The following PLCB4 variants were observed in gnomAD, a reference collection of about 807,000 sequenced individuals.
The protein encoded by PLCB4 is 1-phosphatidylinositol 4,5-bisphosphate phosphodiesterase beta-4.
A neutral mutation model predicts 178.8 loss-of-function variants in PLCB4; 77 were observed. That is an observed-to-expected ratio of 0.43 (90% CI 0.36 to 0.52). The LOEUF (loss-of-function observed/expected upper bound fraction) is 0.52, where lower values mean the gene tolerates loss of function less well. Ranked by LOEUF, PLCB4 falls within the 20% of genes least tolerant of loss-of-function variation. PLCB4 has a pLI of 0.00. For missense variants in PLCB4, 1,024 were observed against 1,453.4 expected (o/e 0.70, Z 4.80); for synonymous variants, 496 against 490.8 (o/e 1.01, Z -0.14).
At chr20:9,329,938 A>G (rs1334291527) in intron 4 of PLCB4, among the ~76,000 whole-genome samples, 2 of 152,148 alleles carry the variant, frequency 1.3e-5, no homozygotes, top group Admixed American at 6.5e-5. Context: ...ATGCCCATCT[A>G]TTACATCAGT....
intron 3 of PLCB4, among the ~76,000 whole-genome samples, chr20:9,281,962 A>G (rs1049915947): frequency 1.1e-4 from 16 of 152,126 alleles, no homozygotes; most frequent in Non-Finnish European, 1.9e-4. Context: ...TGGCTAGTAT[A>G]CAGATCCTGC....
intron 4 of PLCB4, among the ~76,000 whole-genome samples, chr20:9,335,987 G>A (rs2032406398): frequency 6.6e-6 from 1 of 152,270 alleles, no homozygotes; most frequent in Middle Eastern, 3.4e-3. Context: ...GATAAATGTT[G>A]TTGTTCCCCT....
At chr20:9,206,656 A>G (rs2093618802) in intron 2 of PLCB4, among the ~76,000 whole-genome samples, 1 of 152,206 alleles carries the variant, frequency 6.6e-6, no homozygotes, top group Non-Finnish European at 1.5e-5. Context: ...TTAGGTAGGC[A>G]GAGAATAATT....
At chr20:9,082,887 T>C (rs2090221450) in intron 1 of PLCB4, among the ~76,000 whole-genome samples, 3 of 152,174 alleles carry the variant, frequency 2.0e-5, no homozygotes, top group African/African-American at 4.8e-5. Context: ...ATGATTTGGG[T>C]ATTAACACAT....
intron 1 of PLCB4, among the ~76,000 whole-genome samples, chr20:9,075,588 T>G (rs1482150839): frequency 6.6e-6 from 1 of 152,152 alleles, no homozygotes; most frequent in Non-Finnish European, 1.5e-5. Flanking sequence ...AAGGGCCAAG[T>G]AAGTGAAAGG....
chr20:9,142,394 G>A (rs2092511138), intron 2 of PLCB4, among the ~76,000 whole-genome samples: 1 of 152,162 alleles, frequency 6.6e-6, no homozygotes, highest in African/African-American at 2.4e-5. Context: ...GTGTGGACCA[G>A]AGGAATGGAA....
intron 27 of PLCB4, 89 bp downstream of exon 27, chr20:9,421,550 T>C (rs2040638598): frequency 1.0e-6 from 1 of 971,666 alleles, no homozygotes; most frequent in Non-Finnish European, 1.6e-6. Context: ...GGGGCACTTA[T>C]TCAACCGACA....
chr20:9,372,325 C>A lies in PLCB4; in HGVS notation c.608C>A (p.Ala203Glu). 6.3e-7 allele frequency: 1 copy of A among 1,587,344 alleles called. No homozygotes were observed. The highest frequency in any genetic ancestry group is 8.6e-7 in the Non-Finnish European group (1 of 1,156,726). ...CAGAATGATGAAATTGAGCCCACAG[C>A]ATTTTCTTATGAAAAGTTCTATGAA... ...SGKNDEIEPT[A>E]FSYEKFYELT... Residue 203 changes from alanine to glutamate, a missense_variant, in exon 11 of 40, where the codon GCA (alanine) becomes GAA (glutamate). Physicochemically the swap from Ala to Glu is moderately radical, Grantham distance 107. Coordinates refer to ENST00000378473, the MANE Select transcript of PLCB4 (RefSeq NM_001377142.1).
chr20:9,165,142 G>A lies in PLCB4; in HGVS notation c.-78-52248G>A, dbSNP rs1600833812. Among the ~76,000 whole-genome samples, 4 of 152,258 alleles carry A rather than the reference G, an allele frequency of 2.6e-5. No individual in the cohort carries two copies. In the South Asian group the frequency reaches 8.3e-4, roughly 32 times the overall value. ...AAATGGATGGCCACAGTACAGGCACGTGCCCGCTATAGCAACTGCCAAGGT... is the reference window on the plus strand; with the variant it reads ...AAATGGATGGCCACAGTACAGGCACATGCCCGCTATAGCAACTGCCAAGGT... On this transcript the variant is annotated intron_variant, in intron 2 of 39. Transcript: ENST00000378473.
At chr20:9,241,556 C>A (rs1172114212) in intron 3 of PLCB4, among the ~76,000 whole-genome samples, 1 of 152,138 alleles carries the variant, frequency 6.6e-6, no homozygotes, top group Non-Finnish European at 1.5e-5. Flanking sequence ...TTTTCCAAGT[C>A]AGGATACTTG....
chr20:9,328,731 T>C (rs1034776180), intron 4 of PLCB4, among the ~76,000 whole-genome samples: 2 of 152,136 alleles, frequency 1.3e-5, no homozygotes, highest in African/African-American at 4.8e-5. Flanking sequence ...ACTTGTAAAA[T>C]AGGTATAAAT....
At chr20:9,471,943 C>G (rs1225284250) in intron 36 of PLCB4, among the ~76,000 whole-genome samples, 1 of 152,216 alleles carries the variant, frequency 6.6e-6, no homozygotes, top group Non-Finnish European at 1.5e-5. Context: ...TCTGTTTATT[C>G]AACAGACACT....
At chr20:9,449,027 T>C (rs2042586461) in intron 32 of PLCB4, among the ~76,000 whole-genome samples, 2 of 152,162 alleles carry the variant, frequency 1.3e-5, no homozygotes, top group African/African-American at 2.4e-5. Context: ...AAAATGGCAA[T>C]GATCAACTGC....
At chr20:9,438,782 G>T (rs1419600290) in intron 30 of PLCB4, among the ~76,000 whole-genome samples, 3 of 152,152 alleles carry the variant, frequency 2.0e-5, no homozygotes, top group African/African-American at 7.2e-5. Context: ...AATTATAGTT[G>T]AACCAGGGGT....
At chr20:9,142,611 TG>T (rs1357953134) in intron 2 of PLCB4, among the ~76,000 whole-genome samples, 1 of 152,138 alleles carries the variant, frequency 6.6e-6, no homozygotes, top group Non-Finnish European at 1.5e-5. Context: ...TAAATTATGT[TG>T]TTCTACATTC....
intron 7 of PLCB4, among the ~76,000 whole-genome samples, chr20:9,360,541 C>A (rs1880510488): frequency 1.3e-5 from 2 of 151,652 alleles, no homozygotes; most frequent in Admixed American, 1.3e-4. Flanking sequence ...AGTAAGCCTG[C>A]AGGTTGAGAA....
chr20:9,463,291 G>T (rs969392713), intron 35 of PLCB4, among the ~76,000 whole-genome samples: 65 of 152,094 alleles, frequency 4.3e-4, no homozygotes, highest in Non-Finnish European at 2.5e-4. Context: ...AGAAACAACC[G>T]GTACCAGCCA....
At chr20:9,088,927 T>A (rs546134437) in intron 1 of PLCB4, among the ~76,000 whole-genome samples, 2 of 152,170 alleles carry the variant, frequency 1.3e-5, no homozygotes, top group South Asian at 4.1e-4. Context: ...AATATGTATT[T>A]TATAGACTAA....
At chr20:9,086,776 C>T (rs6039381) in intron 1 of PLCB4, among the ~76,000 whole-genome samples, 74,496 of 151,620 alleles carry the variant, frequency 0.49, 18,679 homozygotes, top group Middle Eastern at 0.57. Flanking sequence ...GAAAAGGTTT[C>T]GAAAAGGAAA....
Sources: allele counts gnomAD v4.1 joint callset (sites outside exome capture counted in the v4.1 genomes callset), GRCh38; gene constraint gnomAD v4.1.1; transcripts MANE v1.5; gene names NCBI Gene and HGNC (gene_info 2026-07-23, HGNC 2026-07-21).